MMEL1: variants seen among roughly 807,000 people sequenced by gnomAD.
The protein encoded by MMEL1 is membrane metalloendopeptidase like 1.
Under a neutral mutation model 117.1 loss-of-function variants are expected in MMEL1, and 98 were observed. The observed-to-expected ratio is 0.84, with a 90% CI of 0.71 to 0.99. The LOEUF is 0.99. Ranked by LOEUF, MMEL1 falls within the 50% of genes least tolerant of loss-of-function variation. The pLI, the probability that MMEL1 is intolerant of heterozygous loss-of-function variation, is 0.00. For missense variants in MMEL1, 1,014 were observed against 1,049.1 expected (o/e 0.97, Z 0.46); for synonymous variants, 390 against 415.1 (o/e 0.94, Z 0.74).
In MMEL1 at chr1:2,612,252, C is replaced by G. The variant is rs1277053058; in HGVS notation, c.155-48G>C. On this transcript the variant is annotated intron_variant, in intron 2 of 23. Coordinates refer to ENST00000378412, the MANE Select transcript of MMEL1 (RefSeq NM_033467.4). This position sits in a 1 kb window ranked among gnomAD's most constrained non-coding sequence, Gnocchi z 5.4. ...GCTGCGGCCTCCTGCCTGCAGCTCC[C>G]TGGGGGTGCTGGGGGCCTCCCTGGG... The G allele has an allele frequency of 2.0e-6, 3 of 1,470,940 alleles. No homozygotes were observed. The highest frequency in any genetic ancestry group is 2.8e-6 in the Non-Finnish European group (3 of 1,074,142). 91.1% of individuals were successfully genotyped at this position (1,470,940 alleles called of 1,614,324 possible). A position where few individuals can be genotyped will look rare whatever the true frequency, so the allele number is the denominator to read the frequency against.
rs1644769952 is a variant in MMEL1 at position 2,593,113 on chromosome 1, A to G, written c.1868-147T>C. The G allele has an allele frequency of 3.8e-6, 4 of 1,055,164 alleles. No individual in the cohort carries two copies. In the African/African-American group the frequency reaches 4.7e-5, roughly 12 times the overall value. 65.4% of individuals were successfully genotyped at this position (1,055,164 alleles called of 1,614,324 possible). A position where few individuals can be genotyped will look rare whatever the true frequency, so the allele number is the denominator to read the frequency against. On this transcript the variant is annotated intron_variant, in intron 19 of 23. Transcript: ENST00000378412. ...ACAGTCTGAGTAGGCTGAGCCTGGAAGAGCATCGCGGGCTCCAAGGGGCAG... is the reference window on the plus strand; with the variant it reads ...ACAGTCTGAGTAGGCTGAGCCTGGAGGAGCATCGCGGGCTCCAAGGGGCAG...
At chr1:2,602,722 C>T (rs1217314751) in intron 11 of MMEL1, among the ~76,000 whole-genome samples, 1 of 152,208 alleles carries the variant, frequency 6.6e-6, no homozygotes, top group Admixed American at 6.5e-5. Context: ...CTTCCTACTC[C>T]ATCTCTCTCT....
chr1:2,590,721 GTTGA>G lies in MMEL1; in HGVS notation c.*265_*268del. On this transcript the variant is annotated 3_prime_UTR_variant, in exon 24 of 24. Transcript: ENST00000378412. ...CACCTTGGAGGGTGGGCAGGACACA[GTTGA>G]TTGTCTCTACAGAGCTGTGACGGGG... 2.6e-6 allele frequency: 1 copy of G among 386,728 alleles called. No individual in the cohort carries two copies. The allele number at this position is 386,728 out of a possible 1,614,324, so 24.0% of individuals were successfully genotyped here.
At position 2,605,488 on chromosome 1, in the gene MMEL1, C is replaced by T. The variant is rs570031985; in HGVS notation, c.816+70G>A. 3.6e-4 allele frequency: 493 copies of T among 1,385,784 alleles called. 3 individuals are homozygous for T. The African/African-American group carries it at 6.0e-3, about 17-fold the overall frequency. The allele number at this position is 1,385,784 out of a possible 1,614,324, so 85.8% of individuals were successfully genotyped here. A position where few individuals can be genotyped will look rare whatever the true frequency, so the allele number is the denominator to read the frequency against. On this transcript the variant is annotated intron_variant, in intron 9 of 23. Transcript: ENST00000378412. ...CGGGGAGGGAAGGCCAGGTGGGCAA[C>T]GGGAAGGCCAGACCACGGGGTAGGG...
At chr1:2,592,128 C>CCACAGG in intron 21 of MMEL1, 101 bp from the exon 22 acceptor site, 3 of 918,276 alleles carry the variant, frequency 3.3e-6, no homozygotes, top group Non-Finnish European at 5.0e-6. Flanking sequence ...GGACCTACCC[C>CCACAGG]TGTGGGGGTC....
chr1:2,599,612 C>T (rs374884630), intron 11 of MMEL1, among the ~76,000 whole-genome samples: 12 of 152,334 alleles, frequency 7.9e-5, no homozygotes, highest in African/African-American at 2.6e-4. Context: ...AATCCCAACA[C>T]TTTGGGAGGT....
chr1:2,631,692 T>G (rs1185343232), intron 1 of MMEL1, among the ~76,000 whole-genome samples: 1 of 152,126 alleles, frequency 6.6e-6, no homozygotes, highest in East Asian at 1.9e-4. Flanking sequence ...AGATGCTTCC[T>G]TTGACGCCCT....
intron 2 of MMEL1, among the ~76,000 whole-genome samples, chr1:2,622,800 G>A (rs376526739): frequency 1.3e-4 from 20 of 150,622 alleles, no homozygotes; most frequent in Non-Finnish European, 2.7e-4. Flanking sequence ...CAGGAGAATC[G>A]CTTGAATCTG....
Position 2,591,000 on chromosome 1 carries a change from C to T in MMEL1, c.2330G>A (p.Arg777His), listed in dbSNP as rs564401130. 8.7e-5 allele frequency: 138 copies of T among 1,590,982 alleles called. No individual in the cohort carries two copies. Among genetic ancestry groups the T allele is most frequent in the Admixed American group, 5.1e-4 (29 of 56,694 alleles). The change falls in exon 24 of 24, where the codon CGC becomes CAC. Residue 777 changes from arginine (R) to histidine (H), a missense_variant. Coordinates refer to ENST00000378412, the MANE Select transcript of MMEL1 (RefSeq NM_033467.4). ...GTPMHPKERCRVW is the reference protein window; with the variant it reads ...GTPMHPKERCHVW ...GCGGCAGGGCCTTGGCTACCACACG[C>T]GGCATCGCTCCTTGGGGTGCATGGG...
intron 11 of MMEL1, among the ~76,000 whole-genome samples, chr1:2,601,934 G>A (rs758251177): frequency 3.9e-4 from 59 of 152,140 alleles, no homozygotes; most frequent in Non-Finnish European, 6.6e-4. Flanking sequence ...GTTGGGGAGC[G>A]CACATCCCTG....
Position 2,591,569 on chromosome 1 carries a change from G to T in MMEL1, c.2228C>A (p.Pro743His). 1 of 1,613,860 alleles carries T rather than the reference G, an allele frequency of 6.2e-7. No homozygotes were observed. The highest frequency in any genetic ancestry group is 2.2e-5 in the East Asian group (1 of 44,868). The change falls in exon 23 of 24, where the codon CCC (proline) becomes CAC (histidine). Residue 743 changes from proline (P) to histidine (H), a missense_variant. Transcript: ENST00000378412. ...ATGGGAGACTTGCCTGTACTTCAGG[G>T]GACTGTGGACGTCTGTCTTGATGGA... ...IQSIKTDVHSPLKYRVLGSLQ... is the reference protein window; with the variant it reads ...IQSIKTDVHSHLKYRVLGSLQ...
At chr1:2,592,100 A>G in intron 21 of MMEL1, 73 bp from the exon 22 acceptor site, 1 of 1,314,598 alleles carries the variant, frequency 7.6e-7, no homozygotes, top group Non-Finnish European at 1.1e-6. Flanking sequence ...CTCAGGGCAG[A>G]GCAGAGGTCT....
At chr1:2,607,805 T>G (rs942990550) in intron 6 of MMEL1, among the ~76,000 whole-genome samples, 1 of 151,894 alleles carries the variant, frequency 6.6e-6, no homozygotes, top group African/African-American at 2.4e-5. Flanking sequence ...GAGGCCGGCC[T>G]CCTCTGGGCT....
chr1:2,600,233 G>A (rs1010068834), intron 11 of MMEL1, among the ~76,000 whole-genome samples: 1 of 151,922 alleles, frequency 6.6e-6, no homozygotes. Flanking sequence ...CTCCCAAAGT[G>A]CTGGGATTAC....
In MMEL1 at chr1:2,593,782, G is replaced by A. The variant is rs372380833; in HGVS notation, c.1867+32C>T. On this transcript the variant is annotated intron_variant, in intron 19 of 23. Transcript: ENST00000378412. Reference sequence around the variant, plus strand: ...TGGCTGCTTCTCCGCGGAGAGGGGAGGGCGTGTGTGATTGGAGGGGCGGCC... The same window carrying A: ...TGGCTGCTTCTCCGCGGAGAGGGGAAGGCGTGTGTGATTGGAGGGGCGGCC... The A allele has an allele frequency of 5.1e-6, 8 of 1,572,626 alleles. No individual in the cohort carries two copies. The African/African-American group carries it at 9.5e-5, about 19-fold the overall frequency.
intron 18 of MMEL1, 46 bp downstream of exon 18, chr1:2,594,339 T>C: frequency 6.5e-7 from 1 of 1,545,028 alleles, no homozygotes; most frequent in Non-Finnish European, 8.8e-7. Flanking sequence ...CCCCTTCAAC[T>C]CTGGCACCAA....
At chr1:2,630,948 T>C (rs375237663) in intron 1 of MMEL1, among the ~76,000 whole-genome samples, 11 of 152,002 alleles carry the variant, frequency 7.2e-5, no homozygotes, top group East Asian at 5.8e-4. Flanking sequence ...GATATGCACG[T>C]GTGTGCGTGT....
chr1:2,591,685 A>C (rs1318867475), intron 22 of MMEL1, 52 bp from the exon 23 acceptor site: 3 of 338,204 alleles, frequency 8.9e-6, no homozygotes, highest in Non-Finnish European at 1.1e-5. Flanking sequence ...GGTGGCCAGG[A>C]GGGGTGGGGG....
In MMEL1 at chr1:2,608,584, A is replaced by G. The variant is rs1645069024; in HGVS notation, c.535+755T>C. 2.0e-5 allele frequency among the ~76,000 whole-genome samples: 3 copies of G among 152,018 alleles called. No homozygotes were observed. In the South Asian group the frequency reaches 6.2e-4, roughly 31 times the overall value. The stretch of plus-strand genomic sequence containing the variant: ...ACATGTACACAAGTACACACAGCAC[A>G]TATATATACAGTACACACATATACA... On this transcript the variant is annotated intron_variant, in intron 6 of 23. Coordinates refer to ENST00000378412, the MANE Select transcript of MMEL1 (RefSeq NM_033467.4).
Sources: gnomAD v4.1 joint callset for allele counts (sites outside exome capture counted in the v4.1 genomes callset) on GRCh38, gnomAD v4.1.1 for gene constraint, Gnocchi (gnomAD v3.1) non-coding constraint, MANE v1.5 for transcripts, NCBI Gene and HGNC (gene_info 2026-07-23, HGNC 2026-07-21) for gene names.